The following IGDCC3 variants were observed in gnomAD, a reference collection of about 807,000 sequenced individuals.
IGDCC3 encodes the protein immunoglobulin superfamily DCC subclass member 3.
IGDCC3 carries 47 observed loss-of-function variants against 72.0 expected under a neutral mutation model. That is an observed-to-expected ratio of 0.65 (90% confidence interval 0.52 to 0.83). The LOEUF (loss-of-function observed/expected upper bound fraction) is 0.83, where lower values mean the gene tolerates loss of function less well. Ranked by LOEUF, IGDCC3 falls within the 40% of genes least tolerant of loss-of-function variation. The pLI is 0.00. For synonymous variants in IGDCC3, 477 were observed against 472.8 expected, an observed-to-expected ratio of 1.01 and a Z score of -0.11; for missense variants, 1,038 against 1,091.3, an observed-to-expected ratio of 0.95 and a Z score of 0.69.
Position 65,329,771 on chromosome 15 carries a change from C to T in IGDCC3, c.1952G>A (p.Cys651Tyr), listed in dbSNP as rs1039271095. Residue 651 changes from cysteine to tyrosine, a missense_variant, in exon 12 of 14, where the codon TGC (cysteine) becomes TAC (tyrosine). Physicochemically the swap from Cys to Tyr is radical, Grantham distance 194. Transcript: ENST00000327987. The surrounding 1 kb of genome is among the most constrained non-coding windows in gnomAD (Gnocchi z 4.1). ...GAGGAAGAGGACACAGAAGATGATG[C>T]AAGTGACCCCGATGTGGATGCCGAT... ...IVIGIHIGVT[C>Y]IIFCVLFLLF... The T allele has an allele frequency of 6.2e-7, 1 of 1,614,028 alleles. No individual in the cohort carries two copies. Among genetic ancestry groups the T allele is most frequent in the Non-Finnish European group, 8.5e-7 (1 of 1,180,048 alleles).
chr15:65,369,331 G>C (rs971481729), intron 2 of IGDCC3, among the ~76,000 whole-genome samples: 6 of 152,228 alleles, frequency 3.9e-5, no homozygotes, highest in African/African-American at 1.4e-4. Context: ...GCAAGGCCCA[G>C]AGAGGGTGGG....
At chr15:65,374,483 C>T (rs1189643890) in intron 2 of IGDCC3, among the ~76,000 whole-genome samples, 1 of 152,164 alleles carries the variant, frequency 6.6e-6, no homozygotes, top group Non-Finnish European at 1.5e-5. Flanking sequence ...AAACATCTTG[C>T]CTCGCCTTTT....
rs138857541 is a variant in IGDCC3, at chr15:65,328,044, C to T, written c.*865G>A. On this transcript the variant is annotated 3_prime_UTR_variant, in exon 14 of 14. Coordinates refer to ENST00000327987, the MANE Select transcript of IGDCC3 (RefSeq NM_004884.4). ...GGAACAAATTTCCTCTCATTTTTGG[C>T]TGCTTTCACATTTTTTCTCTGCCCA... is the stretch of plus-strand genomic sequence containing the variant. 861 of 152,790 alleles carry T rather than the reference C, an allele frequency of 5.6e-3. 2 individuals carry two copies. The highest frequency in any genetic ancestry group is 8.3e-3 in the Non-Finnish European group (567 of 68,064). 9.5% of individuals were successfully genotyped at this position (152,790 alleles called of 1,614,324 possible).
intron 2 of IGDCC3, among the ~76,000 whole-genome samples, chr15:65,351,689 T>C (rs528860389): frequency 5.3e-5 from 8 of 152,328 alleles, no homozygotes; most frequent in South Asian, 4.1e-4. Flanking sequence ...ACAGGAAGCA[T>C]TGTCAAATGT....
Position 65,335,921 on chromosome 15 carries a change from C to T in IGDCC3, c.445G>A (p.Val149Met), listed in dbSNP as rs577502873. ...CGGGCCACACCACCCTCCTCACCCA[C>T]GGTGGCCTGGGGATGCACGTGGAAG... ...SDFHVHPQAT[V>M]GEEGGVARFQ... The change falls in exon 3 of 14, where the codon GTG becomes ATG. Residue 149 changes from valine to methionine, a missense_variant. By Grantham distance (21) the Val-to-Met change is conservative (BLOSUM62 1). Coordinates refer to ENST00000327987, the MANE Select transcript of IGDCC3 (RefSeq NM_004884.4). 2.4e-5 allele frequency: 38 copies of T among 1,614,136 alleles called. No homozygotes were observed. Among genetic ancestry groups the T allele is most frequent in the South Asian group, 1.8e-4 (16 of 91,078 alleles).
intron 9 of IGDCC3, 146 bp downstream of exon 9, chr15:65,330,904 G>A (rs1278315711): frequency 1.8e-6 from 2 of 1,098,940 alleles, no homozygotes; most frequent in Non-Finnish European, 1.3e-6. Context: ...AGAAAAAGAA[G>A]CCCTTTCCTC....
In IGDCC3 at chr15:65,329,495, T is replaced by G. The variant is rs375413312; in HGVS notation, c.2100A>C (p.Gly700=). Residue 700 remains glycine (G), a synonymous_variant, in exon 13 of 14, where the codon GGA becomes GGC. Transcript: ENST00000327987. This position sits in a 1 kb window ranked among gnomAD's most constrained non-coding sequence, Gnocchi z 4.1. Reference sequence around the variant, plus strand: ...CGTCTCGGCCCAGCTGGCCCCGCTGTCCCCGTCTCGCCCCATTTAGGGCTA... The same window carrying G: ...CGTCTCGGCCCAGCTGGCCCCGCTGGCCCCGTCTCGCCCCATTTAGGGCTA... The part of the protein sequence containing the change: ...GILALNGARR[G]QRGQLGRDEK... The G allele has an allele frequency of 8.9e-5, 143 of 1,609,024 alleles. No individual in the cohort carries two copies. Among genetic ancestry groups the G allele is most frequent in the Non-Finnish European group, 1.1e-4 (133 of 1,178,672 alleles).
chr15:65,364,706 A>G (rs985084970), intron 2 of IGDCC3, among the ~76,000 whole-genome samples: 4 of 145,104 alleles, frequency 2.8e-5, no homozygotes, highest in Non-Finnish European at 6.1e-5. Context: ...ACGTGGTGGA[A>G]CCTAATCTCT....
At chr15:65,375,562 T>C (rs1459312516) in intron 1 of IGDCC3, among the ~76,000 whole-genome samples, 160 bp from the exon 2 acceptor site, 1 of 152,276 alleles carries the variant, frequency 6.6e-6, no homozygotes, top group Non-Finnish European at 1.5e-5. Context: ...TATAGAACTT[T>C]ATGCATTACA....
chr15:65,376,553 G>A (rs1315803338), intron 1 of IGDCC3, among the ~76,000 whole-genome samples: 3 of 152,246 alleles, frequency 2.0e-5, no homozygotes, highest in Non-Finnish European at 4.4e-5. Flanking sequence ...GAAATGGGTG[G>A]GGAGAAAGGA....
At chr15:65,360,943 T>C (rs547090729) in intron 2 of IGDCC3, among the ~76,000 whole-genome samples, 1 of 152,214 alleles carries the variant, frequency 6.6e-6, no homozygotes, top group East Asian at 1.9e-4. Flanking sequence ...GCCTGGCTAA[T>C]TTTGTGTATT....
chr15:65,371,170 G>A (rs1231937073), intron 2 of IGDCC3, among the ~76,000 whole-genome samples: 1 of 152,220 alleles, frequency 6.6e-6, no homozygotes, highest in Non-Finnish European at 1.5e-5. Flanking sequence ...CTAAATTAGT[G>A]GGCAATACTG....
chr15:65,352,878 T>G (rs2091183086), intron 2 of IGDCC3, among the ~76,000 whole-genome samples: 1 of 152,244 alleles, frequency 6.6e-6, no homozygotes, highest in Non-Finnish European at 1.5e-5. Context: ...TGTTAAAGTC[T>G]AGTCTCATTA....
At chr15:65,362,583 A>C (rs2091268385) in intron 2 of IGDCC3, among the ~76,000 whole-genome samples, 1 of 152,064 alleles carries the variant, frequency 6.6e-6, no homozygotes, top group African/African-American at 2.4e-5. Context: ...GGGTGCACAG[A>C]ACTCCACACT....
intron 2 of IGDCC3, among the ~76,000 whole-genome samples, chr15:65,369,654 GAGA>G (rs1158405047): frequency 1.3e-5 from 2 of 152,226 alleles, no homozygotes; most frequent in African/African-American, 4.8e-5. Context: ...AGTTAAGCGG[GAGA>G]AGAACTTCAT....
chr15:65,331,512 T>C lies in IGDCC3; in HGVS notation c.1296A>G (p.Ala432=). 1 of 1,613,824 alleles carries C rather than the reference T, an allele frequency of 6.2e-7. No homozygotes were observed. Among genetic ancestry groups the C allele is most frequent in the Non-Finnish European group, 8.5e-7 (1 of 1,179,972 alleles). The change falls in exon 8 of 14, where the codon GCA becomes GCG. Residue 432 remains alanine, a synonymous_variant. Transcript: ENST00000327987. Reference sequence around the variant, plus strand: ...GCACCTCAGTGGAAGACACAGAGACTGCCCGCACATTGCGGGGAGGCCCGG... The same window carrying C: ...GCACCTCAGTGGAAGACACAGAGACCGCCCGCACATTGCGGGGAGGCCCGG... ...GLPGPPRNVR[A]VSVSSTEVRV... is the part of the protein sequence containing the mutation.
intron 6 of IGDCC3, 138 bp downstream of exon 6, chr15:65,333,119 T>G (rs965739194): frequency 1.3e-6 from 1 of 797,120 alleles, no homozygotes; most frequent in East Asian, 2.9e-5. Flanking sequence ...TGGCCTGGCC[T>G]GGGGGCCGGT....
chr15:65,342,100 A>G (rs995060603), intron 2 of IGDCC3, among the ~76,000 whole-genome samples: 3 of 151,294 alleles, frequency 2.0e-5, no homozygotes, highest in Non-Finnish European at 4.4e-5. Context: ...TTAAATTAGA[A>G]TTACAGCCAG....
At position 65,329,689 on chromosome 15, in the gene IGDCC3, A is replaced by G. The variant is rs1351201956; in HGVS notation, c.1997+37T>C. ...ACCTTCTCTAGGCCTAGTCCCCCAC[A>G]CACCAGCCCAGCCCCTCTCCCTGGC... On this transcript the variant is annotated intron_variant, in intron 12 of 13. Coordinates refer to ENST00000327987, the MANE Select transcript of IGDCC3 (RefSeq NM_004884.4). This position sits in a 1 kb window ranked among gnomAD's most constrained non-coding sequence, Gnocchi z 4.1. 1 of 1,613,194 alleles carries G rather than the reference A, an allele frequency of 6.2e-7. No homozygotes were observed. The highest frequency in any genetic ancestry group is 1.3e-5 in the African/African-American group (1 of 74,888).
Sources: gnomAD v4.1 joint callset for allele counts (sites outside exome capture counted in the v4.1 genomes callset) on GRCh38, gnomAD v4.1.1 for gene constraint, Gnocchi (gnomAD v3.1) non-coding constraint, MANE v1.5 for transcripts, NCBI Gene and HGNC (gene_info 2026-07-23, HGNC 2026-07-21) for gene names.